The following DYNC1I2 variants were observed in gnomAD, a reference collection of about 807,000 sequenced individuals.
The protein encoded by DYNC1I2 is cytoplasmic dynein 1 intermediate chain 2.
Under a neutral mutation model 88.6 loss-of-function variants are expected in DYNC1I2, and 53 were observed. That is an observed-to-expected ratio of 0.60 (90% CI 0.48 to 0.75). The LOEUF is 0.75. Among genes scored for constraint, DYNC1I2 ranks in the 30% least tolerant of loss-of-function variants. The pLI is 0.00. For missense variants in DYNC1I2, 458 were observed against 766.6 expected, an observed-to-expected ratio of 0.60 and a Z score of 4.75; for synonymous variants, 198 against 254.6, an observed-to-expected ratio of 0.78 and a Z score of 2.12.
intron 3 of DYNC1I2, among the ~76,000 whole-genome samples, chr2:171,700,819 G>A (rs1335876087): frequency 6.6e-6 from 1 of 152,016 alleles, no homozygotes; most frequent in Non-Finnish European, 1.5e-5. Flanking sequence ...TTTTAGTGGA[G>A]ATGGGGTTTC....
intron 6 of DYNC1I2, among the ~76,000 whole-genome samples, chr2:171,715,090 T>C (rs1687394431): frequency 6.6e-6 from 1 of 152,184 alleles, no homozygotes; most frequent in African/African-American, 2.4e-5. Flanking sequence ...AAAAATGAAA[T>C]TACTTGCCTT....
chr2:171,745,398 A>G (rs1022638438), intron 16 of DYNC1I2, among the ~76,000 whole-genome samples: 1 of 152,222 alleles, frequency 6.6e-6, no homozygotes. Context: ...TGCACAAGTG[A>G]TTCTTGTCCT....
intron 3 of DYNC1I2, among the ~76,000 whole-genome samples, chr2:171,697,605 T>C (rs1685873259): frequency 6.6e-6 from 1 of 150,802 alleles, no homozygotes; most frequent in African/African-American, 2.4e-5. Flanking sequence ...GAAAGATATT[T>C]GGGAGGCTGA....
rs141261805 is a variant in DYNC1I2 at position 171,705,183 on chromosome 2, G to A, written c.227-1364G>A. ...TTTCTGAAACTTTTATTTCAGAACT[G>A]GCTGTTAATGTATCTGTTTATCTGT... On this transcript the variant is annotated intron_variant, in intron 3 of 17. Coordinates refer to ENST00000397119, the MANE Select transcript of DYNC1I2 (RefSeq NM_001378.3). Among the ~76,000 whole-genome samples, 7 of 152,082 alleles carry A rather than the reference G, an allele frequency of 4.6e-5. 1 individual carries two copies. In the East Asian group the frequency reaches 1.3e-3, roughly 29 times the overall value.
At chr2:171,706,088 A>G (rs993680450) in intron 3 of DYNC1I2, among the ~76,000 whole-genome samples, 1 of 152,070 alleles carries the variant, frequency 6.6e-6, no homozygotes, top group Non-Finnish European at 1.5e-5. Context: ...ACATTTAGAC[A>G]TAATTTTAAG....
intron 3 of DYNC1I2, among the ~76,000 whole-genome samples, chr2:171,701,248 C>T (rs993904162): frequency 1.3e-5 from 2 of 152,102 alleles, no homozygotes; most frequent in Admixed American, 6.5e-5. Flanking sequence ...TGCAGTGGCA[C>T]GATCTCCACC....
chr2:171,718,928 A>G (rs1250269157), intron 7 of DYNC1I2, among the ~76,000 whole-genome samples: 1 of 152,234 alleles, frequency 6.6e-6, no homozygotes, highest in Non-Finnish European at 1.5e-5. Context: ...TCACAGAGCT[A>G]GTAGCTATGA....
At chr2:171,732,341 C>T (rs1329254425) in intron 15 of DYNC1I2, among the ~76,000 whole-genome samples, 2 of 152,164 alleles carry the variant, frequency 1.3e-5, no homozygotes, top group African/African-American at 2.4e-5. Context: ...GCCTGGGTGA[C>T]GAGCAAAACT....
Position 171,708,810 on chromosome 2 carries a change from A to T in DYNC1I2, c.335+1433A>T, listed in dbSNP as rs1000143660. ...TGGGCTCAAACGATCCTCCCACATC[A>T]GCCTCCCGAGTAGCTGGGACTGCAG... On this transcript the variant is annotated intron_variant, in intron 5 of 17. Coordinates refer to ENST00000397119, the MANE Select transcript of DYNC1I2 (RefSeq NM_001378.3). Among the ~76,000 whole-genome samples, 3 of 152,114 alleles carry T rather than the reference A, an allele frequency of 2.0e-5. No homozygotes were observed. In the East Asian group the frequency reaches 5.8e-4, roughly 29 times the overall value.
intron 5 of DYNC1I2, among the ~76,000 whole-genome samples, chr2:171,712,074 C>CA (rs1687161448): frequency 6.6e-6 from 1 of 152,186 alleles, no homozygotes; most frequent in South Asian, 2.1e-4. Flanking sequence ...TTAGGATTGA[C>CA]ATTTGAACAT....
At chr2:171,698,431 T>G (rs1685947403) in intron 3 of DYNC1I2, among the ~76,000 whole-genome samples, 1 of 152,118 alleles carries the variant, frequency 6.6e-6, no homozygotes. Context: ...GTCACCCATT[T>G]TGGAATGCAG....
At chr2:171,712,669 G>T in intron 5 of DYNC1I2, 98 bp from the exon 6 acceptor site, 6 of 839,162 alleles carry the variant, frequency 7.1e-6, no homozygotes, top group Non-Finnish European at 1.2e-5. Context: ...TTTTAATTGT[G>T]AATAGTACTT....
intron 5 of DYNC1I2, among the ~76,000 whole-genome samples, chr2:171,708,579 A>G (rs989127707): frequency 1.3e-5 from 2 of 152,210 alleles, no homozygotes; most frequent in African/African-American, 2.4e-5. Context: ...ACCTTATAAA[A>G]TAGTATGCAT....
At chr2:171,707,494 T>C (rs913511450) in intron 5 of DYNC1I2, 117 bp downstream of exon 5, 1 of 833,168 alleles carries the variant, frequency 1.2e-6, no homozygotes, top group African/African-American at 1.8e-5. Flanking sequence ...CATTTTAAAA[T>C]CTAAAATGGC....
chr2:171,745,558 T>TCA (rs1689720626), intron 16 of DYNC1I2, among the ~76,000 whole-genome samples: 1 of 152,206 alleles, frequency 6.6e-6, no homozygotes, highest in Non-Finnish European at 1.5e-5. Context: ...CCTTTCAAAA[T>TCA]AATGTGTCTA....
intron 9 of DYNC1I2, 33 bp downstream of exon 9, chr2:171,726,114 A>G (rs746293983): frequency 6.4e-6 from 10 of 1,558,484 alleles, no homozygotes; most frequent in African/African-American, 1.4e-5. Context: ...TTTAGCTTCA[A>G]TAATGTTAAA....
intron 15 of DYNC1I2, among the ~76,000 whole-genome samples, chr2:171,739,696 C>CTCTCTCTT (rs1689267774): frequency 3.1e-5 from 2 of 65,038 alleles, no homozygotes; most frequent in African/African-American, 1.1e-4. Flanking sequence ...TGACATATCT[C>CTCTCTCTT]TTTTTTTTTT....
intron 3 of DYNC1I2, among the ~76,000 whole-genome samples, chr2:171,702,759 G>C (rs764256327): frequency 4.0e-4 from 60 of 150,312 alleles, no homozygotes; most frequent in Non-Finnish European, 6.8e-4. Context: ...GTCTCACTCT[G>C]TTGTTCAGGT....
chr2:171,692,982 T>C (rs767392969), intron 3 of DYNC1I2, 88 bp downstream of exon 3: 1 of 956,840 alleles, frequency 1.0e-6, no homozygotes, highest in South Asian at 1.5e-5. Context: ...TTGATATATT[T>C]TACATATTTT....
Sources: gnomAD v4.1 joint callset for allele counts (sites outside exome capture counted in the v4.1 genomes callset) on GRCh38, gnomAD v4.1.1 for gene constraint, MANE v1.5 for transcripts, NCBI Gene and HGNC (gene_info 2026-07-23, HGNC 2026-07-21) for gene names.